The following NOP14 variants were observed in gnomAD, a reference collection of about 807,000 sequenced individuals.
NOP14 encodes the protein nucleolar protein 14.
In NOP14, 57 loss-of-function variants were observed where a neutral mutation model predicts 101.6. The observed-to-expected ratio is 0.56, with a 90% CI of 0.45 to 0.70. NOP14 has a LOEUF of 0.70. NOP14 is among the 30% of genes least tolerant of loss of function. The probability of loss-of-function intolerance (pLI) is 0.00; values close to 1 mark genes in which losing one functional copy is unlikely to be tolerated. For missense variants in NOP14, 1,134 were observed against 1,075.5 expected (o/e 1.05, Z -0.76); for synonymous variants, 428 against 424.0 (o/e 1.01, Z -0.12).
Position 2,938,853 on chromosome 4 carries a change from T to C in NOP14, c.2552A>G (p.Lys851Arg), listed in dbSNP as rs1263735638. 1 of 1,614,028 alleles carries C rather than the reference T, an allele frequency of 6.2e-7. No homozygotes were observed. Among genetic ancestry groups the C allele is most frequent in the Admixed American group, 1.7e-5 (1 of 60,024 alleles). Reference protein sequence around the residue: ...ATQEGEWKALKRKKFKK With the variant: ...ATQEGEWKALRRKKFKK The stretch of plus-strand genomic sequence containing the variant: ...AATTTATTTTTTGAACTTTTTCCTC[T>C]TCAGAGCCTTCCATTCGCCTTCCTG... Residue 851 changes from lysine (K) to arginine (R), a missense_variant, in exon 18 of 18, where the codon AAG (lysine) becomes AGG (arginine). Transcript: ENST00000416614.
chr4:2,950,371 C>T (rs1017344928), intron 7 of NOP14, 158 bp from the exon 8 acceptor site: 7 of 710,566 alleles, frequency 9.9e-6, no homozygotes, highest in Non-Finnish European at 1.6e-5. Context: ...ACTAGGCCTC[C>T]TGCCCACCAC....
At chr4:2,944,368 G>A (rs368933483) in intron 12 of NOP14, 142 bp from the exon 13 acceptor site, 6 of 552,980 alleles carry the variant, frequency 1.1e-5, no homozygotes, top group East Asian at 9.3e-5. Flanking sequence ...TAGCAGTGTC[G>A]AGAGCATCAA....
At position 2,950,008 on chromosome 4, in the gene NOP14, G is replaced by A. The variant is rs1276291217; in HGVS notation, c.1208C>T (p.Pro403Leu). Reference sequence around the variant, plus strand: ...CTTGCCGCTTATCAACCCTTTCCCAGGAGTCTGCCTCTGCTCTTTTGCTGG... The same window carrying A: ...CTTGCCGCTTATCAACCCTTTCCCAAGAGTCTGCCTCTGCTCTTTTGCTGG... Reference protein sequence around the residue: ...EKPAKEQRQTPGKGLISGKER... With the variant: ...EKPAKEQRQTLGKGLISGKER... Residue 403 changes from proline (P) to leucine (L), a missense_variant, in exon 8 of 18, where the codon CCT becomes CTT. By Grantham distance (98) the Pro-to-Leu change is moderately conservative. Transcript: ENST00000416614. 6.2e-7 allele frequency: 1 copy of A among 1,614,164 alleles called. No homozygotes were observed. Among genetic ancestry groups the A allele is most frequent in the South Asian group, 1.1e-5 (1 of 91,076 alleles).
rs767533047 is a variant in NOP14, at chr4:2,938,225, T to G, written c.*606A>C. The G allele has an allele frequency of 1.6e-6, 2 of 1,289,056 alleles. No individual in the cohort carries two copies. The highest frequency in any genetic ancestry group is 3.0e-5 in the African/African-American group (2 of 65,816). The allele number at this position is 1,289,056 out of a possible 1,614,324, so 79.9% of individuals were successfully genotyped here. ...AATCACACCAACATTATAGCATTATTACTCTAAAAAAAATTACTTTTTTGG... is the reference window on the plus strand; with the variant it reads ...AATCACACCAACATTATAGCATTATGACTCTAAAAAAAATTACTTTTTTGG... On this transcript the variant is annotated 3_prime_UTR_variant, in exon 18 of 18. Transcript: ENST00000416614.
In NOP14 at chr4:2,952,371, G is replaced by A. The variant is rs377446602; in HGVS notation, c.774C>T (p.Arg258=). 1.4e-5 allele frequency: 22 copies of A among 1,612,740 alleles called. No homozygotes were observed. In the East Asian group the frequency reaches 2.5e-4, roughly 18 times the overall value. ...GCGCCTTCATTTCAAAGCCAAGCTC[G>A]CGAACCATCATGTCATATGCATCGG... ...PKPDAYDMMV[R]ELGFEMKAQP... is the part of the protein sequence containing the mutation. Residue 258 remains arginine, a synonymous_variant, in exon 6 of 18, where the codon CGC becomes CGT. Transcript: ENST00000416614.
chr4:2,943,175 G>A (rs1406553538), intron 13 of NOP14, among the ~76,000 whole-genome samples: 1 of 152,270 alleles, frequency 6.6e-6, no homozygotes, highest in Non-Finnish European at 1.5e-5. Context: ...TTGGGAGGCA[G>A]GTGGTGGCAG....
chr4:2,948,482 T>G, intron 8 of NOP14, 74 bp from the exon 9 acceptor site: 1 of 1,205,548 alleles, frequency 8.3e-7, no homozygotes, highest in Non-Finnish European at 1.1e-6. Flanking sequence ...TGAGATGGAG[T>G]CTCGCTCTGT....
At chr4:2,963,076 C>T in intron 1 of NOP14, 49 bp downstream of exon 1, 1 of 1,460,184 alleles carries the variant, frequency 6.8e-7, no homozygotes, top group Non-Finnish European at 9.0e-7. Context: ...CCGAGAGCAG[C>T]GTGGGGTCCA....
rs745752989 is a variant in NOP14 at position 2,961,049 on chromosome 4, ATAC to A, written c.195+2073_195+2075del. On this transcript the variant is annotated intron_variant, in intron 1 of 17. Coordinates refer to ENST00000416614, the MANE Select transcript of NOP14 (RefSeq NM_001291978.2). ...TTAATATTATATCAATATTATATTA[ATAC>A]TACATCAATATTATATTAATACTAT... Among the ~76,000 whole-genome samples the A allele has an allele frequency of 2.4e-3, 261 of 107,162 alleles. 3 individuals carry two copies. In the Middle Eastern group the frequency reaches 0.035, roughly 14 times the overall value. The allele number at this position is 107,162 out of a possible 152,430, so 70.3% of individuals were successfully genotyped here.
At chr4:2,953,046 C>G (rs763278965) in intron 5 of NOP14, among the ~76,000 whole-genome samples, 2 of 152,244 alleles carry the variant, frequency 1.3e-5, no homozygotes, top group Non-Finnish European at 2.9e-5. Flanking sequence ...GCACAGATGA[C>G]CACATGACAC....
chr4:2,940,506 C>T, intron 15 of NOP14: 1 of 152,552 alleles, frequency 6.6e-6, no homozygotes, highest in Non-Finnish European at 1.5e-5. Context: ...CAAGCCACAG[C>T]CACACCAGCA....
chr4:2,960,004 C>G (rs1345845707), intron 1 of NOP14, among the ~76,000 whole-genome samples: 2 of 150,992 alleles, frequency 1.3e-5, no homozygotes, highest in East Asian at 3.9e-4. Context: ...GAATCTCGCT[C>G]TGTCGCCCAG....
intron 10 of NOP14, chr4:2,947,264 T>C: frequency 3.8e-6 from 2 of 527,676 alleles, no homozygotes; most frequent in South Asian, 2.4e-5. Flanking sequence ...GCCACAAATC[T>C]AAAGGGGTTC....
At chr4:2,943,137 C>T (rs1714349711) in intron 13 of NOP14, among the ~76,000 whole-genome samples, 1 of 152,170 alleles carries the variant, frequency 6.6e-6, no homozygotes, top group African/African-American at 2.4e-5. Flanking sequence ...CCTCTGGCGC[C>T]CAGCACCGAG....
chr4:2,941,861 G>A, intron 14 of NOP14, 132 bp from the exon 15 acceptor site: 2 of 1,104,386 alleles, frequency 1.8e-6, no homozygotes, highest in South Asian at 1.6e-5. Context: ...TGGCCGGCCA[G>A]GGTTGGGCCC....
chr4:2,954,549 C>A lies in NOP14; in HGVS notation c.487G>T (p.Ala163Ser). The change falls in exon 4 of 18, where the codon GCC becomes TCC. Residue 163 changes from alanine to serine, a missense_variant. Coordinates refer to ENST00000416614, the MANE Select transcript of NOP14 (RefSeq NM_001291978.2). ...AGCCCACCGCCTCCTCCAAAGTGGG[C>A]AGCAGTCAGCTCAGCTGGGGGCAAA... ...RGTLSAELTA[A>S]HFGGGGGLLH... The A allele has an allele frequency of 6.2e-7, 1 of 1,614,010 alleles. No individual in the cohort carries two copies. Among genetic ancestry groups the A allele is most frequent in the South Asian group, 1.1e-5 (1 of 91,068 alleles).
In NOP14 at chr4:2,957,551, CT is replaced by C. The variant is rs959437146; in HGVS notation, c.330+54del. On this transcript the variant is annotated intron_variant, in intron 2 of 17. Coordinates refer to ENST00000416614, the MANE Select transcript of NOP14 (RefSeq NM_001291978.2). The stretch of plus-strand genomic sequence containing the variant: ...ATGCAGAGTCAGCCTTCTCCTTGGC[CT>C]TGACTTCCCTGTGAAATGTACAGCA... 1.0e-5 allele frequency: 16 copies of C among 1,602,150 alleles called. No homozygotes were observed. The African/African-American group carries it at 2.1e-4, about 21-fold the overall frequency.
intron 1 of NOP14, among the ~76,000 whole-genome samples, chr4:2,959,373 A>G (rs948431456): frequency 6.6e-6 from 1 of 152,106 alleles, no homozygotes; most frequent in Admixed American, 6.5e-5. Context: ...CGGGCGGATC[A>G]CGAGGTTAGA....
At chr4:2,940,733 G>A (rs1021048497) in intron 15 of NOP14, 2 of 152,444 alleles carry the variant, frequency 1.3e-5, no homozygotes, top group Admixed American at 6.5e-5. Flanking sequence ...CAAAACGCAG[G>A]GAGCACGGCA....
Sources: allele counts gnomAD v4.1 joint callset (sites outside exome capture counted in the v4.1 genomes callset), GRCh38; gene constraint gnomAD v4.1.1; transcripts MANE v1.5; gene names NCBI Gene and HGNC (gene_info 2026-07-23, HGNC 2026-07-21).